The following PRKCA variants were observed in gnomAD, a reference collection of about 807,000 sequenced individuals.
PRKCA encodes protein kinase C alpha type.
PRKCA carries 27 observed loss-of-function variants against 87.0 expected under a neutral mutation model. The ratio of observed to expected loss-of-function variants is 0.31; its 90% CI spans 0.23 to 0.43. The LOEUF is 0.43. Ranked by LOEUF, PRKCA falls within the 20% of genes least tolerant of loss-of-function variation. The pLI is 1.00. For synonymous variants in PRKCA, 329 were observed against 311.1 expected, an observed-to-expected ratio of 1.06 and a Z score of -0.61; for missense variants, 518 against 852.3, an observed-to-expected ratio of 0.61 and a Z score of 4.88.
chr17:66,522,654 C>G (rs1483066635), intron 3 of PRKCA, among the ~76,000 whole-genome samples: 1 of 152,068 alleles, frequency 6.6e-6, no homozygotes, highest in African/African-American at 2.4e-5. Context: ...CCAAGGCAAA[C>G]TAGAAGCATG....
chr17:66,428,327 A>G (rs1045578941), intron 2 of PRKCA, among the ~76,000 whole-genome samples: 3 of 152,172 alleles, frequency 2.0e-5, no homozygotes, highest in Non-Finnish European at 2.9e-5. Flanking sequence ...TCTTCAAAAT[A>G]CTAATGAACA....
At position 66,786,851 on chromosome 17, in the gene PRKCA, T is replaced by C. The variant is rs1598943621; in HGVS notation, c.1606-16T>C. ...CTGCCTAAATACTTTCCCATCTTTCTTTTTTTCCGGAACAGCCTCCATTTG... is the reference window on the plus strand; with the variant it reads ...CTGCCTAAATACTTTCCCATCTTTCCTTTTTTCCGGAACAGCCTCCATTTG... On this transcript the variant is annotated splice_polypyrimidine_tract_variant and intron_variant, in intron 14 of 16. Coordinates refer to ENST00000413366, the MANE Select transcript of PRKCA (RefSeq NM_002737.3). 2.5e-6 allele frequency: 4 copies of C among 1,598,608 alleles called. No homozygotes were observed. The highest frequency in any genetic ancestry group is 1.3e-5 in the African/African-American group (1 of 74,624).
chr17:66,405,005 C>T (rs937115715), intron 2 of PRKCA, among the ~76,000 whole-genome samples: 1 of 152,078 alleles, frequency 6.6e-6, no homozygotes, highest in African/African-American at 2.4e-5. Context: ...TCACCTCGGC[C>T]TCCCAAAGTG....
At chr17:66,647,003 A>G (rs1313922272) in intron 5 of PRKCA, among the ~76,000 whole-genome samples, 1 of 152,078 alleles carries the variant, frequency 6.6e-6, no homozygotes, top group African/African-American at 2.4e-5. Context: ...TGTCACCTGC[A>G]TTTCTTTTTA....
chr17:66,545,236 G>A (rs1014025456), intron 3 of PRKCA, among the ~76,000 whole-genome samples: 11 of 152,198 alleles, frequency 7.2e-5, no homozygotes, highest in African/African-American at 2.4e-4. Flanking sequence ...AGACCATCCT[G>A]GCTAACACGG....
intron 16 of PRKCA, among the ~76,000 whole-genome samples, chr17:66,800,878 G>T: frequency 6.6e-6 from 1 of 152,156 alleles, no homozygotes; most frequent in East Asian, 1.9e-4. Flanking sequence ...ATTTTTTCCA[G>T]AAATTCCTTC....
At chr17:66,704,618 C>T (rs549866876) in intron 8 of PRKCA, among the ~76,000 whole-genome samples, 2 of 152,150 alleles carry the variant, frequency 1.3e-5, no homozygotes, top group Non-Finnish European at 1.5e-5. Context: ...AATTGGTGAT[C>T]TTGAATGAGC....
At chr17:66,733,816 G>A (rs1484898745) in intron 9 of PRKCA, among the ~76,000 whole-genome samples, 1 of 152,130 alleles carries the variant, frequency 6.6e-6, no homozygotes, top group Non-Finnish European at 1.5e-5. Flanking sequence ...AATAAAAAAA[G>A]GTGGAAGTTG....
At chr17:66,545,012 T>A (rs1348530296) in intron 3 of PRKCA, among the ~76,000 whole-genome samples, 1 of 152,270 alleles carries the variant, frequency 6.6e-6, no homozygotes, top group Non-Finnish European at 1.5e-5. Flanking sequence ...AGTTACATTA[T>A]TTAAGTTAAT....
Position 66,503,903 on chromosome 17 carries a change from G to T in PRKCA, c.288+7620G>T, listed in dbSNP as rs1229842848. ...AAAGATGATTTTGTGAGCAAAGCCA[G>T]TTCTACCCCCAAAACATTTTTATAT... On this transcript the variant is annotated intron_variant, in intron 3 of 16. Transcript: ENST00000413366. 2.6e-5 allele frequency among the ~76,000 whole-genome samples: 4 copies of T among 152,168 alleles called. No individual in the cohort carries two copies. The South Asian group carries it at 8.3e-4, about 32-fold the overall frequency.
intron 2 of PRKCA, among the ~76,000 whole-genome samples, chr17:66,372,737 T>C (rs186627389): frequency 1.0e-3 from 157 of 152,248 alleles, no homozygotes; most frequent in African/African-American, 3.6e-3. Flanking sequence ...GTGCCATCTC[T>C]TAAAGGGATA....
intron 2 of PRKCA, among the ~76,000 whole-genome samples, chr17:66,392,950 GCACACACC>G (rs1910448178): frequency 6.6e-6 from 1 of 152,104 alleles, no homozygotes; most frequent in African/African-American, 2.4e-5. Context: ...CAAGCAAATG[GCACACACC>G]CTAGACCAGT....
At chr17:66,441,076 T>C (rs942345139) in intron 2 of PRKCA, among the ~76,000 whole-genome samples, 3 of 148,348 alleles carry the variant, frequency 2.0e-5, no homozygotes, top group Non-Finnish European at 4.4e-5. Flanking sequence ...GCATGAGAAT[T>C]CCTTGGACCC....
At chr17:66,657,809 G>A (rs1971777843) in intron 5 of PRKCA, among the ~76,000 whole-genome samples, 1 of 151,818 alleles carries the variant, frequency 6.6e-6, no homozygotes, top group South Asian at 2.1e-4. Flanking sequence ...CAGGGACTCT[G>A]TTATCCTTAA....
At chr17:66,785,321 G>A (rs1975354676) in intron 14 of PRKCA, among the ~76,000 whole-genome samples, 1 of 152,076 alleles carries the variant, frequency 6.6e-6, no homozygotes, top group African/African-American at 2.4e-5. Context: ...TGATAAGAAG[G>A]GCATCCTTCT....
Position 66,672,035 on chromosome 17 carries a change from G to A in PRKCA, c.530-15076G>A, listed in dbSNP as rs371726047. 3.9e-5 allele frequency among the ~76,000 whole-genome samples: 6 copies of A among 152,098 alleles called. No homozygotes were observed. The East Asian group carries it at 5.8e-4, about 15-fold the overall frequency. ...GGTCTTAAGAGTTAAATATAAGAAAGAAACAAAATAATTAAAACTTAGGTG... is the reference window on the plus strand; with the variant it reads ...GGTCTTAAGAGTTAAATATAAGAAAAAAACAAAATAATTAAAACTTAGGTG... On this transcript the variant is annotated intron_variant, in intron 5 of 16. Coordinates refer to ENST00000413366, the MANE Select transcript of PRKCA (RefSeq NM_002737.3).
intron 9 of PRKCA, among the ~76,000 whole-genome samples, chr17:66,733,684 C>T (rs990972901): frequency 1.1e-4 from 17 of 151,984 alleles, no homozygotes; most frequent in African/African-American, 3.9e-4. Context: ...CCCAGCTACT[C>T]GGGAAGCTGA....
At chr17:66,406,838 T>A (rs898427102) in intron 2 of PRKCA, among the ~76,000 whole-genome samples, 1 of 152,086 alleles carries the variant, frequency 6.6e-6, no homozygotes, top group Admixed American at 6.5e-5. Context: ...GTCAGCTTAG[T>A]GCAGAGTTTT....
At chr17:66,701,880 A>G (rs1405213360) in intron 8 of PRKCA, among the ~76,000 whole-genome samples, 1 of 152,178 alleles carries the variant, frequency 6.6e-6, no homozygotes, top group Admixed American at 6.5e-5. Flanking sequence ...AAATTGGCAT[A>G]TCAGTTATGG....
Sources: gnomAD v4.1 joint callset for allele counts (sites outside exome capture counted in the v4.1 genomes callset) on GRCh38, gnomAD v4.1.1 for gene constraint, MANE v1.5 for transcripts, NCBI Gene and HGNC (gene_info 2026-07-23, HGNC 2026-07-21) for gene names.